The following RARB variants were observed in gnomAD, a reference collection of about 807,000 sequenced individuals.
The protein encoded by RARB is retinoic acid receptor beta, also known as HBV-activated protein.
A neutral mutation model predicts 51.9 loss-of-function variants in RARB; 17 were observed. The observed-to-expected ratio is 0.33, with a 90% CI of 0.22 to 0.49. The LOEUF (loss-of-function observed/expected upper bound fraction) is 0.49. Ranked by LOEUF, RARB falls within the 20% of genes least tolerant of loss-of-function variation. The pLI, the probability that RARB is intolerant of heterozygous loss-of-function variation, is 0.99. For missense variants in RARB, 369 were observed against 550.8 expected, an observed-to-expected ratio of 0.67 and a Z score of 3.30; for synonymous variants, 215 against 195.4, an observed-to-expected ratio of 1.10 and a Z score of -0.84.
chr3:25,214,100 G>A (rs1055237600), intron 5 of RARB, among the ~76,000 whole-genome samples: 1 of 152,178 alleles, frequency 6.6e-6, no homozygotes, highest in Non-Finnish European at 1.5e-5. Context: ...TAGATAGATG[G>A]GAGTTTTGAG....
chr3:25,176,303 TTC>T (rs1236307180), intron 5 of RARB, among the ~76,000 whole-genome samples: 2 of 22,278 alleles, frequency 9.0e-5, no homozygotes, highest in Admixed American at 6.9e-4. Flanking sequence ...TTTTCTTTCT[TTC>T]TTTCTTTCTT....
intron 3 of RARB, among the ~76,000 whole-genome samples, chr3:25,548,690 C>A (rs1255047930): frequency 6.7e-6 from 1 of 148,490 alleles, no homozygotes; most frequent in Non-Finnish European, 1.5e-5. Context: ...AGTTTTGAAT[C>A]CTTTTTTAAT....
chr3:25,367,619 C>T (rs1467965501), intron 5 of RARB, among the ~76,000 whole-genome samples: 1 of 148,948 alleles, frequency 6.7e-6, no homozygotes, highest in Non-Finnish European at 1.5e-5. Context: ...AGTTCGAGAC[C>T]AGCCTAAGCA....
chr3:24,863,932 C>A (rs990128437), intron 2 of RARB, among the ~76,000 whole-genome samples: 1 of 152,012 alleles, frequency 6.6e-6, no homozygotes, highest in Admixed American at 6.6e-5. Flanking sequence ...CAAGGCCCGC[C>A]CCTCCCTGAG....
rs776053216 is a variant in RARB at position 24,909,298 on chromosome 3, A to G, written c.-380+50546A>G. ...AACAAATATTCATTGAGCACCTACT[A>G]TATTCTTCTATAACACATTTCTATA... On this transcript the variant is annotated intron_variant, in intron 2 of 11. Coordinates refer to the RARB transcript ENST00000383772. 2.6e-5 allele frequency among the ~76,000 whole-genome samples: 4 copies of G among 152,214 alleles called. No individual in the cohort carries two copies. The South Asian group carries it at 8.3e-4, about 31-fold the overall frequency.
intron 3 of RARB, among the ~76,000 whole-genome samples, chr3:25,548,256 A>G (rs1479206743): frequency 6.6e-6 from 1 of 152,172 alleles, no homozygotes; most frequent in Non-Finnish European, 1.5e-5. Flanking sequence ...TGCTTAAAAA[A>G]TTAGATTTAA....
chr3:25,451,959 A>G (rs137878475), intron 1 of RARB, among the ~76,000 whole-genome samples: 1 of 152,372 alleles, frequency 6.6e-6, no homozygotes, highest in East Asian at 1.9e-4. Flanking sequence ...GAAGTGAAAT[A>G]TGGAACTGAG....
At chr3:25,551,255 C>T (rs968006715) in intron 3 of RARB, among the ~76,000 whole-genome samples, 4 of 152,094 alleles carry the variant, frequency 2.6e-5, no homozygotes, top group African/African-American at 9.7e-5. Context: ...CTGTGGAACC[C>T]GGCAGCCCAT....
chr3:25,472,391 A>T (rs1346524878), intron 2 of RARB, among the ~76,000 whole-genome samples: 1 of 152,334 alleles, frequency 6.6e-6, no homozygotes, highest in East Asian at 1.9e-4. Context: ...CACGTGACCA[A>T]AACCAACTGC....
chr3:24,924,372 A>G (rs1032639314), intron 2 of RARB, among the ~76,000 whole-genome samples: 2 of 152,168 alleles, frequency 1.3e-5, no homozygotes, highest in Admixed American at 1.3e-4. Context: ...GACACTGGAA[A>G]TGTTTCATAC....
intron 5 of RARB, among the ~76,000 whole-genome samples, chr3:25,346,227 A>G (rs1705389131): frequency 6.6e-6 from 1 of 152,136 alleles, no homozygotes; most frequent in East Asian, 1.9e-4. Flanking sequence ...CTTAATCTGG[A>G]TCTTATTAGA....
chr3:25,184,770 T>C (rs1013996054), intron 5 of RARB, among the ~76,000 whole-genome samples: 1 of 152,122 alleles, frequency 6.6e-6, no homozygotes, highest in Admixed American at 6.6e-5. Context: ...CTCACACCTA[T>C]ACTCCCAGCG....
Position 24,929,368 on chromosome 3 carries a change from C to G in RARB, c.-380+70616C>G, listed in dbSNP as rs189331044. On this transcript the variant is annotated intron_variant, in intron 2 of 11. Transcript: ENST00000383772. The stretch of plus-strand genomic sequence containing the variant: ...TGGATAAATTATAGGAAGATCTAAC[C>G]ATGCTCTGAGAGTAAGCAGAAAAGT... Among the ~76,000 whole-genome samples, 10 of 152,138 alleles carry G rather than the reference C, an allele frequency of 6.6e-5. No individual in the cohort carries two copies. In the East Asian group the frequency reaches 1.7e-3, roughly 26 times the overall value.
chr3:25,072,863 C>T (rs1035374203), intron 3 of RARB, among the ~76,000 whole-genome samples: 1 of 152,032 alleles, frequency 6.6e-6, no homozygotes, highest in Non-Finnish European at 1.5e-5. Flanking sequence ...CACCCGCCAC[C>T]ACGCCGGGCT....
intron 4 of RARB, among the ~76,000 whole-genome samples, chr3:25,136,176 C>A (rs915729893): frequency 6.6e-6 from 1 of 151,908 alleles, no homozygotes; most frequent in African/African-American, 2.4e-5. Flanking sequence ...GGAGAATAGA[C>A]TGAACCCTTG....
At chr3:25,370,724 G>A (rs1020705651) in intron 5 of RARB, among the ~76,000 whole-genome samples, 1 of 152,176 alleles carries the variant, frequency 6.6e-6, no homozygotes, top group African/African-American at 2.4e-5. Flanking sequence ...GACCAGGCGT[G>A]TATCATGTAG....
intron 3 of RARB, among the ~76,000 whole-genome samples, chr3:25,093,111 T>A (rs1207890166): frequency 6.6e-6 from 1 of 152,148 alleles, no homozygotes; most frequent in Non-Finnish European, 1.5e-5. Context: ...ATATTAAAAA[T>A]CTCTTGCTCA....
At chr3:25,492,658 T>C (rs1696797108) in intron 2 of RARB, among the ~76,000 whole-genome samples, 1 of 150,558 alleles carries the variant, frequency 6.6e-6, no homozygotes, top group Non-Finnish European at 1.5e-5. Flanking sequence ...AATCATATTC[T>C]TCTCGAAAGA....
intron 2 of RARB, among the ~76,000 whole-genome samples, chr3:24,902,126 T>A (rs574787187): frequency 1.5e-4 from 23 of 152,244 alleles, no homozygotes; most frequent in Non-Finnish European, 1.5e-5. Flanking sequence ...TCTTATTATC[T>A]CTGTTTTAAA....
Sources: gnomAD v4.1 joint callset for allele counts (sites outside exome capture counted in the v4.1 genomes callset) on GRCh38, gnomAD v4.1.1 for gene constraint, MANE v1.5 for transcripts, NCBI Gene and HGNC (gene_info 2026-07-23, HGNC 2026-07-21) for gene names.